GRIP1: variants seen among roughly 807,000 people sequenced by gnomAD.
GRIP1 encodes glutamate receptor interacting protein 1.
In GRIP1, 45 loss-of-function variants were observed where a neutral mutation model predicts 129.9. That is an observed-to-expected ratio of 0.35 (90% CI 0.27 to 0.44). The LOEUF is 0.44. Among genes scored for constraint, GRIP1 ranks in the 20% least tolerant of loss-of-function variants. The pLI is 1.00. For missense variants in GRIP1, 1,196 were observed against 1,396.8 expected, an observed-to-expected ratio of 0.86 and a Z score of 2.29; for synonymous variants, 530 against 520.8, an observed-to-expected ratio of 1.02 and a Z score of -0.24.
In GRIP1 at chr12:66,937,350, G is replaced by C. The variant is rs74098154; in HGVS notation, c.58+131700C>G. The stretch of plus-strand genomic sequence containing the variant: ...GACAATGGCTTTTCTCATCTGCTCC[G>C]CCAGTAGAACGTAAGCTCCATGAGA... On this transcript the variant is annotated intron_variant, in intron 1 of 1. Transcript: ENST00000643019. Among the ~76,000 whole-genome samples, 474 of 152,226 alleles carry C rather than the reference G, an allele frequency of 3.1e-3. 4 individuals carry two copies. The highest frequency in any genetic ancestry group is 0.01 in the African/African-American group (434 of 41,536).
At chr12:66,560,790 A>C (rs529820799) in intron 2 of GRIP1, among the ~76,000 whole-genome samples, 16 of 152,278 alleles carry the variant, frequency 1.1e-4, no homozygotes, top group African/African-American at 3.1e-4. Context: ...TAGAGCTACC[A>C]TATGATCCAG....
chr12:66,817,516 T>C (rs2039243657), intron 1 of GRIP1, among the ~76,000 whole-genome samples: 1 of 152,088 alleles, frequency 6.6e-6, no homozygotes, highest in Non-Finnish European at 1.5e-5. Context: ...TTCAAGCAAT[T>C]CTTTTGTCTC....
chr12:66,676,269 G>A (rs1322792266), intron 1 of GRIP1, among the ~76,000 whole-genome samples: 1 of 152,114 alleles, frequency 6.6e-6, no homozygotes, highest in Non-Finnish European at 1.5e-5. Flanking sequence ...TAAGAATCAA[G>A]TAAAAATATC....
At chr12:66,552,099 G>A (rs2062161280) in intron 2 of GRIP1, among the ~76,000 whole-genome samples, 1 of 152,190 alleles carries the variant, frequency 6.6e-6, no homozygotes, top group African/African-American at 2.4e-5. Flanking sequence ...GCTAGTCATT[G>A]CTGAGTTAGG....
intron 7 of GRIP1, among the ~76,000 whole-genome samples, chr12:66,476,885 A>T (rs4913503): frequency 0.22 from 33,630 of 152,122 alleles, 4,293 homozygotes; most frequent in Middle Eastern, 0.41. Flanking sequence ...TCTAAAAATA[A>T]TAAGAACTAT....
chr12:66,799,400 C>T (rs968259236), intron 1 of GRIP1, among the ~76,000 whole-genome samples: 1 of 152,088 alleles, frequency 6.6e-6, no homozygotes, highest in Non-Finnish European at 1.5e-5. Context: ...TTGAGTTAAA[C>T]TAAATACAGC....
chr12:66,873,043 T>C (rs546253057), intron 1 of GRIP1, among the ~76,000 whole-genome samples: 26 of 152,124 alleles, frequency 1.7e-4, no homozygotes, highest in Non-Finnish European at 1.6e-4. Flanking sequence ...AGACTTGGCC[T>C]ACTCAATAGA....
intron 1 of GRIP1, among the ~76,000 whole-genome samples, chr12:66,962,243 G>A (rs370740524): frequency 6.8e-4 from 104 of 152,164 alleles, no homozygotes; most frequent in African/African-American, 2.3e-3. Flanking sequence ...TTCAGGAGAC[G>A]GAAGTTTTTG....
chr12:67,001,341 G>A (rs1460253513), intron 1 of GRIP1, among the ~76,000 whole-genome samples: 1 of 152,038 alleles, frequency 6.6e-6, no homozygotes, highest in Admixed American at 6.6e-5. Flanking sequence ...AGAAAGAGGG[G>A]AAAAAAGCAT....
intron 1 of GRIP1, among the ~76,000 whole-genome samples, chr12:67,022,750 G>GT (rs1482414664): frequency 2.0e-5 from 3 of 152,062 alleles, no homozygotes; most frequent in African/African-American, 7.2e-5. Context: ...AAAGGCGCAG[G>GT]TTTGTTACAT....
chr12:66,936,794 C>T (rs12825803), intron 1 of GRIP1, among the ~76,000 whole-genome samples: 18 of 151,976 alleles, frequency 1.2e-4, no homozygotes, highest in Admixed American at 6.5e-5. Flanking sequence ...CACCATGCCA[C>T]CAGGGTAACC....
intron 1 of GRIP1, among the ~76,000 whole-genome samples, chr12:66,978,168 A>C (rs80271270): frequency 0.021 from 3,131 of 151,584 alleles, 99 homozygotes; most frequent in African/African-American, 0.071. Flanking sequence ...CTTTAAATCC[A>C]AACCCAGAAA....
At chr12:66,933,538 T>C (rs2041434657) in intron 1 of GRIP1, among the ~76,000 whole-genome samples, 1 of 152,164 alleles carries the variant, frequency 6.6e-6, no homozygotes, top group African/African-American at 2.4e-5. Context: ...GTTATTCATA[T>C]TTAGTTCATC....
intron 24 of GRIP1, among the ~76,000 whole-genome samples, chr12:66,351,555 GGTTTTTTTTT>G (rs1210778691): frequency 1.4e-5 from 2 of 143,520 alleles, no homozygotes; most frequent in African/African-American, 5.3e-5. Flanking sequence ...ACAGGAAGGT[GGTTTTTTTTT>G]TTTTTTTTTT....
At chr12:66,886,081 G>A (rs535159563) in intron 1 of GRIP1, among the ~76,000 whole-genome samples, 28 of 152,152 alleles carry the variant, frequency 1.8e-4, no homozygotes, top group Non-Finnish European at 3.4e-4. Context: ...TGGCCAACAC[G>A]GTGAAACCCC....
chr12:66,771,794 T>A (rs1249769449), intron 1 of GRIP1, among the ~76,000 whole-genome samples: 1 of 152,194 alleles, frequency 6.6e-6, no homozygotes, highest in South Asian at 2.1e-4. Context: ...CTCTGACAAG[T>A]GTCTAAGTCC....
At chr12:66,731,833 G>A (rs184148194) in intron 1 of GRIP1, among the ~76,000 whole-genome samples, 1 of 152,218 alleles carries the variant, frequency 6.6e-6, no homozygotes, top group Admixed American at 6.5e-5. Context: ...TAAATTAAGT[G>A]GACTATGGCA....
chr12:66,370,129 C>A (rs2055402886), intron 23 of GRIP1, among the ~76,000 whole-genome samples: 1 of 152,176 alleles, frequency 6.6e-6, no homozygotes, highest in Admixed American at 6.5e-5. Context: ...GAATGCCCAC[C>A]CATCCTCTAC....
At chr12:66,966,564 T>C (rs1204825211) in intron 1 of GRIP1, among the ~76,000 whole-genome samples, 1 of 152,190 alleles carries the variant, frequency 6.6e-6, no homozygotes, top group Non-Finnish European at 1.5e-5. Flanking sequence ...CAAGAAAACA[T>C]ATTTCATTAG....
Sources: gnomAD v4.1 joint callset for allele counts (sites outside exome capture counted in the v4.1 genomes callset) on GRCh38, gnomAD v4.1.1 for gene constraint, MANE v1.5 for transcripts, NCBI Gene and HGNC (gene_info 2026-07-23, HGNC 2026-07-21) for gene names.